HCRTR2: variants seen among roughly 807,000 people sequenced by gnomAD.
HCRTR2 encodes the protein orexin receptor type 2.
Under a neutral mutation model 49.0 loss-of-function variants are expected in HCRTR2, and 22 were observed. The ratio of observed to expected loss-of-function variants is 0.45; its 90% CI spans 0.32 to 0.64. The LOEUF is 0.64. Among genes scored for constraint, HCRTR2 ranks in the 30% least tolerant of loss-of-function variants. The pLI is 0.04. For missense variants in HCRTR2, 491 were observed against 559.4 expected (o/e 0.88, Z 1.23); for synonymous variants, 236 against 205.3 (o/e 1.15, Z -1.28).
At chr6:55,148,249 CGT>C (rs1053767547) in intron 1 of HCRTR2, among the ~76,000 whole-genome samples, 1 of 150,992 alleles carries the variant, frequency 6.6e-6, no homozygotes, top group African/African-American at 2.4e-5. Flanking sequence ...TGTGTGTGTG[CGT>C]GTGTGTGTGT....
At chr6:55,281,149 A>G (rs931829309) in intron 6 of HCRTR2, among the ~76,000 whole-genome samples, 4 of 152,078 alleles carry the variant, frequency 2.6e-5, no homozygotes, top group African/African-American at 4.8e-5. Flanking sequence ...TGTTATTTCT[A>G]TCTTCAAATA....
chr6:55,172,520 C>G (rs1252162094), upstream of HCRTR2, among the ~76,000 whole-genome samples: 2 of 152,058 alleles, frequency 1.3e-5, no homozygotes, highest in Non-Finnish European at 2.9e-5. Flanking sequence ...ATGCCCTTCT[C>G]TTAAAAAGAA....
At chr6:55,221,891 T>C (rs1472074740) in intron 1 of HCRTR2, among the ~76,000 whole-genome samples, 1 of 151,446 alleles carries the variant, frequency 6.6e-6, no homozygotes, top group Non-Finnish European at 1.5e-5. Flanking sequence ...CCATTGGTTT[T>C]GGCAATAATT....
chr6:55,247,308 T>C (rs1766464712), intron 1 of HCRTR2, among the ~76,000 whole-genome samples: 1 of 152,112 alleles, frequency 6.6e-6, no homozygotes, highest in Non-Finnish European at 1.5e-5. Context: ...CAAAATTAAA[T>C]CCTCTGAAAT....
At chr6:55,174,935 G>A (rs927687807) in intron 1 of HCRTR2, 125 bp downstream of exon 1, 3 of 694,718 alleles carry the variant, frequency 4.3e-6, no homozygotes, top group Middle Eastern at 7.5e-4. Flanking sequence ...CTCTCGGATG[G>A]GGTTTTCTAA....
intron 4 of HCRTR2, among the ~76,000 whole-genome samples, chr6:55,270,933 T>G (rs1287936841): frequency 6.6e-6 from 1 of 152,196 alleles, no homozygotes; most frequent in Admixed American, 6.5e-5. Context: ...TCTGTGTTTA[T>G]GGATTGGAAG....
At chr6:55,243,084 G>A (rs1472368776) in intron 1 of HCRTR2, among the ~76,000 whole-genome samples, 1 of 152,052 alleles carries the variant, frequency 6.6e-6, no homozygotes, top group Admixed American at 6.6e-5. Context: ...TTCTTTCAGA[G>A]AAAGAACCGG....
intron 1 of HCRTR2, among the ~76,000 whole-genome samples, chr6:55,236,275 A>G (rs962011911): frequency 1.3e-5 from 2 of 151,912 alleles, no homozygotes; most frequent in African/African-American, 2.4e-5. Flanking sequence ...ATCTATTTAA[A>G]TTGCATTTTC....
chr6:55,270,376 T>C (rs1401149601), intron 4 of HCRTR2, among the ~76,000 whole-genome samples: 2 of 152,232 alleles, frequency 1.3e-5, no homozygotes, highest in Non-Finnish European at 2.9e-5. Flanking sequence ...TTGAGTCAGT[T>C]TGGAACTATT....
At chr6:55,174,134 A>T, upstream of HCRTR2, 1 of 220,232 alleles carries the variant, frequency 4.5e-6, no homozygotes, top group Non-Finnish European at 9.2e-6. Flanking sequence ...AGAAAAAGAG[A>T]GAGATTTAAC....
At chr6:55,155,082 A>G (rs953164816) in intron 1 of HCRTR2, among the ~76,000 whole-genome samples, 6 of 151,942 alleles carry the variant, frequency 3.9e-5, no homozygotes, top group African/African-American at 1.4e-4. Context: ...TAAAGAAGAT[A>G]CAATAAATGG....
At chr6:55,165,983 T>C (rs1054208409) in intron 1 of HCRTR2, among the ~76,000 whole-genome samples, 10 of 151,960 alleles carry the variant, frequency 6.6e-5, no homozygotes, top group Non-Finnish European at 7.4e-5. Context: ...ATACAGACTT[T>C]ATTAAGTTAG....
At position 55,153,077 on chromosome 6, in the gene HCRTR2, G is replaced by A. The variant is rs375313328; in HGVS notation, c.-377-21134G>A. 2.4e-3 allele frequency among the ~76,000 whole-genome samples: 370 copies of A among 152,004 alleles called. 1 individual carries two copies. Among genetic ancestry groups the A allele is most frequent in the African/African-American group, 8.6e-3 (356 of 41,490 alleles). On this transcript the variant is annotated intron_variant, in intron 1 of 7. Coordinates refer to the HCRTR2 transcript ENST00000615358. ...AGTTGATATTTATGTGTGGTGCAAC[G>A]TAAGCATCCGACTTGATTTTATTTT... is the stretch of plus-strand genomic sequence containing the variant.
In HCRTR2 at chr6:55,125,867, C is replaced by G. The variant is rs1396473493; in HGVS notation, c.-378+19322C>G. Among the ~76,000 whole-genome samples, 4 of 152,000 alleles carry G rather than the reference C, an allele frequency of 2.6e-5. No individual in the cohort carries two copies. In the East Asian group the frequency reaches 7.8e-4, roughly 29 times the overall value. Reference sequence around the variant, plus strand: ...TTCTCACTTTATTTCATTAAGTTGACCTTCAATCAATGGTACCCTTTCTTC... The same window carrying G: ...TTCTCACTTTATTTCATTAAGTTGAGCTTCAATCAATGGTACCCTTTCTTC... On this transcript the variant is annotated intron_variant, in intron 1 of 7. Coordinates refer to the HCRTR2 transcript ENST00000615358.
At chr6:55,198,399 T>C (rs1765456048) in intron 1 of HCRTR2, among the ~76,000 whole-genome samples, 1 of 152,132 alleles carries the variant, frequency 6.6e-6, no homozygotes, top group Non-Finnish European at 1.5e-5. Flanking sequence ...ACCCCAACAC[T>C]ATCTCAAACT....
chr6:55,173,004 C>G (rs1764973146), upstream of HCRTR2, among the ~76,000 whole-genome samples: 1 of 152,084 alleles, frequency 6.6e-6, no homozygotes, highest in Non-Finnish European at 1.5e-5. Flanking sequence ...AAGATATTGA[C>G]AATTGTCTAA....
Position 55,167,663 on chromosome 6 carries a change from G to T in HCRTR2, c.-377-6548G>T, listed in dbSNP as rs560842232. Among the ~76,000 whole-genome samples, 24 of 152,182 alleles carry T rather than the reference G, an allele frequency of 1.6e-4. No homozygotes were observed. The East Asian group carries it at 4.2e-3, about 27-fold the overall frequency. On this transcript the variant is annotated intron_variant, in intron 1 of 7. Coordinates refer to the HCRTR2 transcript ENST00000615358. ...TGATGTTTGAAAATACACATATTTT[G>T]CTCCTACTCTTTCCTTCCCCAGATC... is the stretch of plus-strand genomic sequence containing the variant.
intron 1 of HCRTR2, among the ~76,000 whole-genome samples, chr6:55,218,861 T>G (rs1765838229): frequency 1.3e-5 from 2 of 152,154 alleles, no homozygotes; most frequent in African/African-American, 4.8e-5. Flanking sequence ...TCTCACTCTG[T>G]CACTCAGGCT....
At chr6:55,260,441 A>T (rs1766733157) in intron 3 of HCRTR2, among the ~76,000 whole-genome samples, 1 of 152,214 alleles carries the variant, frequency 6.6e-6, no homozygotes, top group South Asian at 2.1e-4. Flanking sequence ...TTCTCAAGTC[A>T]GAATGCTTGA....
Sources: allele counts gnomAD v4.1 joint callset (sites outside exome capture counted in the v4.1 genomes callset), GRCh38; gene constraint gnomAD v4.1.1; transcripts MANE v1.5; gene names NCBI Gene and HGNC (gene_info 2026-07-23, HGNC 2026-07-21).